Variants in SWT1 observed in about 807,000 individuals in gnomAD.
The protein encoded by SWT1 is transcriptional protein SWT1.
In SWT1, 33 loss-of-function variants were observed where a neutral mutation model predicts 107.3. That is an observed-to-expected ratio of 0.31 (90% CI 0.23 to 0.41). The LOEUF (loss-of-function observed/expected upper bound fraction) is 0.41. SWT1 is among the 10% of genes least tolerant of loss of function. The pLI is 1.00. For synonymous variants in SWT1, 345 were observed against 348.3 expected, an observed-to-expected ratio of 0.99 and a Z score of 0.11; for missense variants, 898 against 1,028.9, an observed-to-expected ratio of 0.87 and a Z score of 1.74.
Position 185,226,829 on chromosome 1 carries a change from A to G in SWT1, c.2310-4748A>G, listed in dbSNP as rs1405772832. 3.9e-6 allele frequency: 6 copies of G among 1,519,908 alleles called. No homozygotes were observed. The African/African-American group carries it at 5.7e-5, about 14-fold the overall frequency. 94.2% of individuals were successfully genotyped at this position (1,519,908 alleles called of 1,614,324 possible). A position where few individuals can be genotyped will look rare whatever the true frequency, so the allele number is the denominator to read the frequency against. ...TTTAGCTCTCAGCAGCCCGCTCCTG[A>G]GCTCTGAGGAAGCTTGCCTTCTTTT... On this transcript the variant is annotated intron_variant, in intron 15 of 18. Transcript: ENST00000367500.
At chr1:185,272,104 A>G (rs1487002182) in intron 17 of SWT1, among the ~76,000 whole-genome samples, 1 of 152,192 alleles carries the variant, frequency 6.6e-6, no homozygotes, top group East Asian at 1.9e-4. Context: ...ACATACCCAG[A>G]ATACCTCACA....
intron 13 of SWT1, among the ~76,000 whole-genome samples, chr1:185,208,351 T>C (rs79702646): frequency 6.6e-6 from 1 of 152,218 alleles, no homozygotes; most frequent in African/African-American, 2.4e-5. Flanking sequence ...TACCAGAGGA[T>C]GGGGAAGGTG....
chr1:185,222,180 A>ATT, intron 15 of SWT1, 144 bp downstream of exon 15: 1 of 483,450 alleles, frequency 2.1e-6, no homozygotes, highest in Non-Finnish European at 3.4e-6. Context: ...AGTGAGCCTG[A>ATT]TGAATACCTC....
intron 16 of SWT1, among the ~76,000 whole-genome samples, chr1:185,257,140 T>G (rs1362406786): frequency 6.6e-6 from 1 of 152,148 alleles, no homozygotes; most frequent in Non-Finnish European, 1.5e-5. Flanking sequence ...CTGCCCGTTC[T>G]CATATCTCCA....
chr1:185,161,043 C>G, intron 2 of SWT1, 118 bp downstream of exon 2: 1 of 744,888 alleles, frequency 1.3e-6, no homozygotes, highest in Non-Finnish European at 2.2e-6. Context: ...TCAGCCGATC[C>G]AGGAAAAGTC....
chr1:185,173,805 C>T (rs1655305678), intron 4 of SWT1, among the ~76,000 whole-genome samples: 1 of 151,952 alleles, frequency 6.6e-6, no homozygotes, highest in Admixed American at 6.6e-5. Context: ...TTGCTTGAGC[C>T]CAGGAGTTTG....
intron 15 of SWT1, among the ~76,000 whole-genome samples, chr1:185,227,878 C>T (rs537145061): frequency 1.3e-5 from 2 of 151,610 alleles, no homozygotes; most frequent in African/African-American, 4.8e-5. Context: ...TTGCTTCAGT[C>T]GAAGAGTTTG....
intron 17 of SWT1, among the ~76,000 whole-genome samples, chr1:185,272,398 A>T (rs1663936083): frequency 6.6e-6 from 1 of 152,232 alleles, no homozygotes; most frequent in Admixed American, 6.5e-5. Context: ...AAATGAAGGA[A>T]TGTGGCATAT....
chr1:185,255,382 T>A (rs1662408345), intron 16 of SWT1, among the ~76,000 whole-genome samples: 1 of 143,104 alleles, frequency 7.0e-6, no homozygotes, highest in Non-Finnish European at 1.5e-5. Flanking sequence ...CAGTGGGGTG[T>A]TAAAATCTCC....
intron 17 of SWT1, among the ~76,000 whole-genome samples, chr1:185,274,183 CAAG>C (rs1469018550): frequency 1.3e-5 from 2 of 148,872 alleles, no homozygotes; most frequent in Non-Finnish European, 1.5e-5. Flanking sequence ...TATAAAGAAA[CAAG>C]AAAAAAATTT....
At chr1:185,174,252 A>G in intron 4 of SWT1, 120 bp from the exon 5 acceptor site, 1 of 688,196 alleles carries the variant, frequency 1.5e-6, no homozygotes, top group Non-Finnish European at 2.2e-6. Flanking sequence ...TTCTTAATGT[A>G]GCTATTTCTA....
At chr1:185,236,415 C>T (rs928153427) in intron 16 of SWT1, among the ~76,000 whole-genome samples, 1 of 152,138 alleles carries the variant, frequency 6.6e-6, no homozygotes, top group African/African-American at 2.4e-5. Context: ...AGTAATGCCA[C>T]ACATCTACAA....
intron 13 of SWT1, among the ~76,000 whole-genome samples, chr1:185,208,658 C>A (rs1369891193): frequency 6.6e-6 from 1 of 151,808 alleles, no homozygotes; most frequent in African/African-American, 2.4e-5. Flanking sequence ...TAAAGTAAGT[C>A]GATAAATAAA....
At chr1:185,164,761 G>C (rs1294528466) in intron 2 of SWT1, among the ~76,000 whole-genome samples, 1 of 152,146 alleles carries the variant, frequency 6.6e-6, no homozygotes, top group Non-Finnish European at 1.5e-5. Context: ...GGAATGTTGT[G>C]GCTGGTTTGA....
At chr1:185,253,970 T>C (rs1662265263) in intron 16 of SWT1, among the ~76,000 whole-genome samples, 1 of 148,482 alleles carries the variant, frequency 6.7e-6, no homozygotes, top group Non-Finnish European at 1.5e-5. Flanking sequence ...CCTAATTTAT[T>C]GAGAGTTTTT....
Position 185,166,599 on chromosome 1 carries a change from A to G in SWT1, c.112A>G (p.Ser38Gly). 6.2e-7 allele frequency: 1 copy of G among 1,606,402 alleles called. No individual in the cohort carries two copies. The highest frequency in any genetic ancestry group is 1.3e-5 in the African/African-American group (1 of 74,714). The part of the protein sequence containing the change: ...KDKKERKTPA[S>G]STSSSSIRSV... ...CAAGAAAGAGAGAAAAACCCCAGCA[A>G]GTTCTACTAGTTCATCTTCTATAAG... Residue 38 changes from serine (S) to glycine (G), a missense_variant, in exon 3 of 19, where the codon AGT (serine) becomes GGT (glycine). Transcript: ENST00000367500.
chr1:185,170,743 G>T (rs1654978828), intron 4 of SWT1, among the ~76,000 whole-genome samples: 1 of 152,174 alleles, frequency 6.6e-6, no homozygotes, highest in Admixed American at 6.5e-5. Flanking sequence ...ACCTTTTATG[G>T]TGGGTGATGG....
intron 16 of SWT1, among the ~76,000 whole-genome samples, chr1:185,237,438 A>G (rs1391752266): frequency 6.6e-6 from 1 of 152,174 alleles, no homozygotes; most frequent in East Asian, 1.9e-4. Context: ...ATTCTCAGCA[A>G]ACTAACACAA....
chr1:185,212,202 G>A (rs1410745926), intron 13 of SWT1, among the ~76,000 whole-genome samples: 1 of 151,956 alleles, frequency 6.6e-6, no homozygotes, highest in Non-Finnish European at 1.5e-5. Flanking sequence ...AACTGAAAGT[G>A]TAATAATAAT....
Sources: allele counts gnomAD v4.1 joint callset (sites outside exome capture counted in the v4.1 genomes callset), GRCh38; gene constraint gnomAD v4.1.1; transcripts MANE v1.5; gene names NCBI Gene and HGNC (gene_info 2026-07-23, HGNC 2026-07-21).